Variants in DLGAP2 observed in about 807,000 individuals in gnomAD.
DLGAP2 encodes DLG associated protein 2.
Under a neutral mutation model 100.3 loss-of-function variants are expected in DLGAP2, and 26 were observed. The observed-to-expected ratio is 0.26, with a 90% confidence interval of 0.19 to 0.36. DLGAP2 has a LOEUF of 0.36. DLGAP2 is among the 10% of genes least tolerant of loss of function. DLGAP2 has a pLI of 1.00. For missense variants in DLGAP2, 1,858 were observed against 1,453.2 expected, an observed-to-expected ratio of 1.28 and a Z score of -4.53; for synonymous variants, 886 against 630.1, an observed-to-expected ratio of 1.41 and a Z score of -6.08.
intron 3 of DLGAP2, among the ~76,000 whole-genome samples, chr8:1,440,019 G>A (rs953142982): frequency 3.3e-5 from 5 of 152,178 alleles, no homozygotes; most frequent in African/African-American, 1.2e-4. Flanking sequence ...GATAGAGTGA[G>A]GATGTAAAGA....
At chr8:881,250 TCA>T (rs1797785213) in intron 1 of DLGAP2, among the ~76,000 whole-genome samples, 1 of 152,218 alleles carries the variant, frequency 6.6e-6, no homozygotes, top group East Asian at 1.9e-4. Flanking sequence ...TAAAACTCTC[TCA>T]GAGTAGTCAT....
At chr8:1,436,257 A>C (rs1054924838) in intron 3 of DLGAP2, among the ~76,000 whole-genome samples, 2 of 152,206 alleles carry the variant, frequency 1.3e-5, no homozygotes, top group African/African-American at 2.4e-5. Flanking sequence ...AAGGCCTGAG[A>C]GCCCCGGGCA....
intron 2 of DLGAP2, among the ~76,000 whole-genome samples, chr8:912,688 C>T (rs527256561): frequency 6.2e-5 from 9 of 145,460 alleles, no homozygotes; most frequent in Admixed American, 2.8e-4. Flanking sequence ...AGCTGACCCC[C>T]GCACCGTGGT....
intron 2 of DLGAP2, among the ~76,000 whole-genome samples, chr8:945,362 A>G (rs2129006202): frequency 6.6e-6 from 1 of 152,320 alleles, no homozygotes; most frequent in Admixed American, 6.5e-5. Flanking sequence ...CTATGGAGAA[A>G]GAGTGAGTTT....
chr8:1,051,097 G>T (rs967362412), intron 2 of DLGAP2, among the ~76,000 whole-genome samples: 1 of 151,622 alleles, frequency 6.6e-6, no homozygotes, highest in Admixed American at 6.6e-5. Flanking sequence ...TGTGGGCAGG[G>T]GGTCATTTTG....
At chr8:1,462,826 G>A (rs912130448) in intron 3 of DLGAP2, among the ~76,000 whole-genome samples, 9 of 152,216 alleles carry the variant, frequency 5.9e-5, no homozygotes, top group Non-Finnish European at 8.8e-5. Flanking sequence ...CCCACACGGC[G>A]GCGGCTTCTG....
chr8:923,563 A>G (rs986227474), intron 2 of DLGAP2, among the ~76,000 whole-genome samples: 1 of 152,220 alleles, frequency 6.6e-6, no homozygotes, highest in Admixed American at 6.5e-5. Context: ...GCTAAGAAGG[A>G]AACAGGGGGT....
At chr8:954,605 A>C (rs979476277) in intron 2 of DLGAP2, among the ~76,000 whole-genome samples, 2 of 152,252 alleles carry the variant, frequency 1.3e-5, no homozygotes, top group African/African-American at 4.8e-5. Context: ...ATAAAAAGCA[A>C]GTCATACAGG....
At chr8:843,381 C>G (rs901116356) in intron 1 of DLGAP2, among the ~76,000 whole-genome samples, 7 of 152,216 alleles carry the variant, frequency 4.6e-5, no homozygotes, top group Admixed American at 4.6e-4. Flanking sequence ...TGATCAGCAT[C>G]AGGAGTTCAC....
At chr8:1,182,485 G>A (rs552181194) in intron 2 of DLGAP2, among the ~76,000 whole-genome samples, 1 of 152,350 alleles carries the variant, frequency 6.6e-6, no homozygotes, top group African/African-American at 2.4e-5. Flanking sequence ...AGCCCTAACA[G>A]AATTGTGTCA....
intron 2 of DLGAP2, among the ~76,000 whole-genome samples, chr8:948,330 G>A (rs1271493805): frequency 6.6e-6 from 1 of 152,220 alleles, no homozygotes; most frequent in East Asian, 1.9e-4. Context: ...GCCTGCGGGC[G>A]TGAGGTCCGT....
intron 1 of DLGAP2, among the ~76,000 whole-genome samples, chr8:878,024 T>C (rs575198798): frequency 6.6e-6 from 1 of 152,358 alleles, no homozygotes; most frequent in Admixed American, 6.5e-5. Context: ...TCATTTGCTG[T>C]TTGCCAATGG....
chr8:1,361,907 A>G (rs1056751036), intron 3 of DLGAP2, among the ~76,000 whole-genome samples: 5 of 152,144 alleles, frequency 3.3e-5, no homozygotes, highest in African/African-American at 1.2e-4. Flanking sequence ...CCTGGGCACT[A>G]ACTGTGCTGC....
At chr8:1,420,077 C>G (rs1018585325) in intron 3 of DLGAP2, among the ~76,000 whole-genome samples, 1 of 152,172 alleles carries the variant, frequency 6.6e-6, no homozygotes, top group African/African-American at 2.4e-5. Context: ...CATCCCTGAT[C>G]CAGCTAACCT....
intron 2 of DLGAP2, among the ~76,000 whole-genome samples, chr8:998,004 T>C (rs578118949): frequency 6.0e-5 from 9 of 150,016 alleles, no homozygotes; most frequent in African/African-American, 1.9e-4. Context: ...CACACAAACA[T>C]GCATAGACAT....
chr8:1,152,263 T>A (rs1796709802), intron 2 of DLGAP2, among the ~76,000 whole-genome samples: 1 of 152,272 alleles, frequency 6.6e-6, no homozygotes, highest in Non-Finnish European at 1.5e-5. Context: ...AGAAATATGT[T>A]TGCATTCAGA....
At chr8:850,086 GTTTGT>G (rs1438400737) in intron 1 of DLGAP2, among the ~76,000 whole-genome samples, 10 of 150,616 alleles carry the variant, frequency 6.6e-5, no homozygotes, top group Non-Finnish European at 1.0e-4. Flanking sequence ...AAACTAGGTT[GTTTGT>G]ATTTTAATGT....
rs189293662 is a variant in DLGAP2 at position 1,196,844 on chromosome 8, G to A, written c.74-62007G>A. Among the ~76,000 whole-genome samples, 6 of 152,212 alleles carry A rather than the reference G, an allele frequency of 3.9e-5. No homozygotes were observed. The South Asian group carries it at 1.0e-3, about 26-fold the overall frequency. ...ATCACACATACACCAGGGTTCTCCC[G>A]AAAAGTGAGACTGACAGGATATATA... On this transcript the variant is annotated intron_variant, in intron 2 of 14. Transcript: ENST00000637795.
At chr8:954,038 A>G (rs976479925) in intron 2 of DLGAP2, among the ~76,000 whole-genome samples, 3 of 152,132 alleles carry the variant, frequency 2.0e-5, no homozygotes, top group African/African-American at 4.8e-5. Context: ...GCTCTCCCCT[A>G]TGTGTGCACT....
Sources: allele counts gnomAD v4.1 joint callset (sites outside exome capture counted in the v4.1 genomes callset), GRCh38; gene constraint gnomAD v4.1.1; transcripts MANE v1.5; gene names NCBI Gene and HGNC (gene_info 2026-07-23, HGNC 2026-07-21).